Variants in SEMA6A observed in about 807,000 individuals in gnomAD.
SEMA6A encodes the protein semaphorin-6A.
Under a neutral mutation model 96.8 loss-of-function variants are expected in SEMA6A, and 25 were observed. The ratio of observed to expected loss-of-function variants is 0.26; its 90% confidence interval spans 0.19 to 0.36. The LOEUF (loss-of-function observed/expected upper bound fraction) is 0.36, where lower values mean the gene tolerates loss of function less well. Ranked by LOEUF, SEMA6A falls within the 10% of genes least tolerant of loss-of-function variation. The pLI, the probability that SEMA6A is intolerant of heterozygous loss-of-function variation, is 1.00. For synonymous variants in SEMA6A, 612 were observed against 518.0 expected (o/e 1.18, Z -2.46); for missense variants, 1,363 against 1,323.1 (o/e 1.03, Z -0.47).
chr5:116,478,969 G>A (rs1218662055), intron 12 of SEMA6A, among the ~76,000 whole-genome samples: 3 of 147,914 alleles, frequency 2.0e-5, no homozygotes, highest in Admixed American at 1.4e-4. Flanking sequence ...TGTGTTTGCA[G>A]GCCAAGTACT....
chr5:116,489,373 A>C (rs1757221724), intron 7 of SEMA6A, among the ~76,000 whole-genome samples: 2 of 152,126 alleles, frequency 1.3e-5, no homozygotes, highest in African/African-American at 4.8e-5. Context: ...ACCATGGTAA[A>C]CTGGATTAGG....
chr5:116,483,428 G>A (rs545554657), intron 10 of SEMA6A, among the ~76,000 whole-genome samples: 1 of 152,180 alleles, frequency 6.6e-6, no homozygotes, highest in African/African-American at 2.4e-5. Flanking sequence ...CTTTGAGATA[G>A]TGGGTCATTA....
chr5:116,539,493 C>G (rs913505008), intron 1 of SEMA6A, among the ~76,000 whole-genome samples: 3 of 152,070 alleles, frequency 2.0e-5, no homozygotes, highest in African/African-American at 7.2e-5. Context: ...TGCAGAGCTT[C>G]CATCCTGCTT....
intron 1 of SEMA6A, among the ~76,000 whole-genome samples, chr5:116,506,294 T>G (rs1162965571): frequency 2.0e-5 from 3 of 152,206 alleles, no homozygotes; most frequent in Admixed American, 6.5e-5. Flanking sequence ...AATTGAAAAG[T>G]GCACATTAAT....
chr5:116,457,174 T>C (rs1156588739), intron 18 of SEMA6A, among the ~76,000 whole-genome samples: 10 of 152,192 alleles, frequency 6.6e-5, no homozygotes, highest in Admixed American at 6.5e-4. Context: ...TTTTAAATCA[T>C]GGAGTGCGAG....
intron 1 of SEMA6A, among the ~76,000 whole-genome samples, chr5:116,534,351 T>C (rs537066789): frequency 6.6e-6 from 1 of 152,228 alleles, no homozygotes; most frequent in Non-Finnish European, 1.5e-5. Flanking sequence ...ACTGCACTTA[T>C]AACAACACAC....
chr5:116,526,591 G>A (rs192380233), intron 1 of SEMA6A, among the ~76,000 whole-genome samples: 3 of 152,216 alleles, frequency 2.0e-5, no homozygotes, highest in Non-Finnish European at 2.9e-5. Flanking sequence ...AAACACATAC[G>A]TCGTATAAGA....
At chr5:116,550,005 G>A (rs144147027) in intron 1 of SEMA6A, 379 of 152,240 alleles carry the variant, frequency 2.5e-3, no homozygotes, top group African/African-American at 8.9e-3. Context: ...AGTCAGTGAT[G>A]GATCCTAACC....
At chr5:116,559,780 C>T (rs993670117) in intron 1 of SEMA6A, among the ~76,000 whole-genome samples, 2 of 152,210 alleles carry the variant, frequency 1.3e-5, no homozygotes, top group African/African-American at 4.8e-5. Flanking sequence ...TTACTCCTTC[C>T]CCTCCCTTAC....
chr5:116,545,438 C>G (rs1760146449), intron 1 of SEMA6A, among the ~76,000 whole-genome samples: 1 of 152,010 alleles, frequency 6.6e-6, no homozygotes, highest in Non-Finnish European at 1.5e-5. Flanking sequence ...GGCGTGGTGG[C>G]AGGCACCTGT....
chr5:116,559,471 T>TA (rs1478514319), intron 1 of SEMA6A, among the ~76,000 whole-genome samples: 1 of 152,142 alleles, frequency 6.6e-6, no homozygotes, highest in Admixed American at 6.5e-5. Flanking sequence ...ATAAAACCCC[T>TA]GCCCCATCCG....
chr5:116,446,701 C>G lies in SEMA6A; in HGVS notation c.3005G>C (p.Arg1002Pro), dbSNP rs200942463. The G allele has an allele frequency of 5.8e-5, 92 of 1,586,984 alleles. 1 individual carries two copies. The highest frequency in any genetic ancestry group is 2.9e-4 in the East Asian group (13 of 44,190). Residue 1002 changes from arginine (R) to proline (P), a missense_variant, in exon 19 of 19, where the codon CGT becomes CCT. By Grantham distance (103) the Arg-to-Pro change is moderately radical (BLOSUM62 -2). Coordinates refer to ENST00000343348, the MANE Select transcript of SEMA6A (RefSeq NM_020796.5). Reference protein sequence around the residue: ...YNSLTRSGLKRTPSLKPDVPP... With the variant: ...YNSLTRSGLKPTPSLKPDVPP... ...TACGTCCGGCTTTAGCGAGGGCGTACGCTTCAGCCCCGACCTTGTCAGTGA... is the reference window on the plus strand; with the variant it reads ...TACGTCCGGCTTTAGCGAGGGCGTAGGCTTCAGCCCCGACCTTGTCAGTGA...
intron 17 of SEMA6A, chr5:116,471,448 T>G (rs186307171): frequency 6.6e-6 from 1 of 152,332 alleles, no homozygotes; most frequent in Admixed American, 6.5e-5. Flanking sequence ...TCTTAATTTC[T>G]CAAAATCTGA....
intron 1 of SEMA6A, among the ~76,000 whole-genome samples, chr5:116,506,030 T>G (rs1295909839): frequency 1.3e-5 from 2 of 152,238 alleles, no homozygotes; most frequent in African/African-American, 2.4e-5. Flanking sequence ...CTGCCAAAGA[T>G]TATCTTTTTT....
chr5:116,511,414 C>T (rs1758397179), intron 1 of SEMA6A, among the ~76,000 whole-genome samples: 1 of 152,080 alleles, frequency 6.6e-6, no homozygotes, highest in African/African-American at 2.4e-5. Flanking sequence ...ATTTACAGCA[C>T]AGTAGTCAAA....
chr5:116,461,557 A>G (rs1305073244), intron 18 of SEMA6A, among the ~76,000 whole-genome samples: 1 of 152,182 alleles, frequency 6.6e-6, no homozygotes, highest in Non-Finnish European at 1.5e-5. Flanking sequence ...TTTACCAAAC[A>G]TCCATCACTT....
chr5:116,554,846 G>A (rs988410219), intron 1 of SEMA6A: 4 of 152,296 alleles, frequency 2.6e-5, no homozygotes, highest in Middle Eastern at 6.8e-3. Flanking sequence ...AGGCAGGCTT[G>A]GGCGTTGAGA....
chr5:116,460,963 T>C (rs1370203837), intron 18 of SEMA6A, among the ~76,000 whole-genome samples: 2 of 152,100 alleles, frequency 1.3e-5, no homozygotes, highest in Non-Finnish European at 2.9e-5. Context: ...GCTAAATCTT[T>C]ACTCTCTAAA....
At chr5:116,532,920 CAG>C (rs1243004569) in intron 1 of SEMA6A, among the ~76,000 whole-genome samples, 3 of 152,294 alleles carry the variant, frequency 2.0e-5, no homozygotes, top group Non-Finnish European at 4.4e-5. Context: ...GGGACACAGA[CAG>C]AGATGACAGG....
Sources: allele counts gnomAD v4.1 joint callset (sites outside exome capture counted in the v4.1 genomes callset), GRCh38; gene constraint gnomAD v4.1.1; transcripts MANE v1.5; gene names NCBI Gene and HGNC (gene_info 2026-07-23, HGNC 2026-07-21).